Variants in DPP6 observed in about 807,000 individuals in gnomAD.
The protein encoded by DPP6 is dipeptidyl peptidase like 6.
Under a neutral mutation model 122.6 loss-of-function variants are expected in DPP6, and 69 were observed. That is an observed-to-expected ratio of 0.56 (90% CI 0.46 to 0.69). The LOEUF (loss-of-function observed/expected upper bound fraction) is 0.69, where lower values mean the gene tolerates loss of function less well. DPP6 is among the 30% of genes least tolerant of loss of function. DPP6 has a pLI of 0.00. For missense variants in DPP6, 928 were observed against 1,116.9 expected, an observed-to-expected ratio of 0.83 and a Z score of 2.41; for synonymous variants, 418 against 433.1, an observed-to-expected ratio of 0.97 and a Z score of 0.43.
chr7:154,415,060 G>T (rs1816910237), intron 1 of DPP6, among the ~76,000 whole-genome samples: 1 of 152,114 alleles, frequency 6.6e-6, no homozygotes, highest in South Asian at 2.1e-4. Flanking sequence ...GCTCACCCTG[G>T]CCCATCTCTG....
At chr7:153,927,496 A>G (rs970156328) in intron 1 of DPP6, among the ~76,000 whole-genome samples, 3 of 152,224 alleles carry the variant, frequency 2.0e-5, no homozygotes, top group African/African-American at 4.8e-5. Flanking sequence ...TGTGTGTGTC[A>G]TAAATGAAAC....
intron 7 of DPP6, among the ~76,000 whole-genome samples, chr7:154,691,067 G>A (rs1387195): frequency 0.8 from 121,332 of 152,174 alleles, 49,211 homozygotes; most frequent in Non-Finnish European, 0.88. Flanking sequence ...GACGAGCAAC[G>A]TCAAAGTGTT....
chr7:154,077,359 T>C (rs950806857), intron 1 of DPP6, among the ~76,000 whole-genome samples: 1 of 152,212 alleles, frequency 6.6e-6, no homozygotes, highest in Admixed American at 6.5e-5. Context: ...CCTGAATCCC[T>C]GGACCCTTTA....
At chr7:153,798,815 G>T in the DPP6 span, among the ~76,000 whole-genome samples, 1 of 152,214 alleles carries the variant, frequency 6.6e-6, no homozygotes, top group Admixed American at 6.5e-5. Context: ...CCACTGGGGG[G>T]TGATGGAAGA....
intron 16 of DPP6, among the ~76,000 whole-genome samples, chr7:154,844,980 G>C (rs1801833732): frequency 6.6e-6 from 1 of 152,150 alleles, no homozygotes. Flanking sequence ...AGTGAAAAGG[G>C]CAGGGGATTC....
At chr7:154,193,925 C>A (rs760173576) in intron 1 of DPP6, among the ~76,000 whole-genome samples, 1 of 151,936 alleles carries the variant, frequency 6.6e-6, no homozygotes, top group Non-Finnish European at 1.5e-5. Context: ...CAGAAGCAGG[C>A]CTTTTTGAAT....
chr7:153,947,265 G>A (rs889339950), intron 1 of DPP6, among the ~76,000 whole-genome samples: 3 of 151,976 alleles, frequency 2.0e-5, no homozygotes, highest in Admixed American at 6.6e-5. Flanking sequence ...TTTTAACAGC[G>A]GAAACCTACT....
intron 18 of DPP6, among the ~76,000 whole-genome samples, chr7:154,872,239 C>T (rs1804458787): frequency 6.6e-6 from 1 of 152,232 alleles, no homozygotes; most frequent in Admixed American, 6.5e-5. Context: ...ATATCCATCC[C>T]CAGCATCCCC....
At chr7:154,044,990 A>T (rs1799950567) in intron 1 of DPP6, among the ~76,000 whole-genome samples, 1 of 152,176 alleles carries the variant, frequency 6.6e-6, no homozygotes, top group South Asian at 2.1e-4. Flanking sequence ...TAAGGTACAA[A>T]ATCAGAGTAT....
At chr7:154,314,877 G>A (rs549464790) in intron 1 of DPP6, among the ~76,000 whole-genome samples, 2 of 152,172 alleles carry the variant, frequency 1.3e-5, no homozygotes, top group Non-Finnish European at 1.5e-5. Flanking sequence ...AATATGAATG[G>A]GTTAACAAAT....
At chr7:153,944,968 G>T (rs1563034641) in intron 1 of DPP6, among the ~76,000 whole-genome samples, 1 of 152,076 alleles carries the variant, frequency 6.6e-6, no homozygotes, top group East Asian at 1.9e-4. Flanking sequence ...AGCGCTTTGC[G>T]TTCTCTGTTC....
intron 8 of DPP6, among the ~76,000 whole-genome samples, chr7:154,735,087 A>C (rs1476686084): frequency 6.6e-6 from 1 of 152,234 alleles, no homozygotes; most frequent in Non-Finnish European, 1.5e-5. Flanking sequence ...AAAACTCTGA[A>C]GCTCTATTCA....
chr7:154,022,013 G>C (rs1236449028), intron 1 of DPP6, among the ~76,000 whole-genome samples: 1 of 152,116 alleles, frequency 6.6e-6, no homozygotes, highest in Non-Finnish European at 1.5e-5. Flanking sequence ...GGCCAACTCA[G>C]ATCTAAGGGG....
chr7:153,762,706 G>A, the DPP6 span, among the ~76,000 whole-genome samples: 1 of 152,154 alleles, frequency 6.6e-6, no homozygotes, highest in Non-Finnish European at 1.5e-5. Context: ...CTTGACCCCG[G>A]GAGGTGGAGG....
intron 1 of DPP6, among the ~76,000 whole-genome samples, chr7:154,357,770 C>T (rs1368812933): frequency 1.3e-5 from 2 of 151,792 alleles, no homozygotes; most frequent in African/African-American, 4.8e-5. Flanking sequence ...GGTGAAACCC[C>T]ATATCTACTA....
chr7:154,125,896 T>C (rs1457609123), intron 1 of DPP6, among the ~76,000 whole-genome samples: 2 of 152,210 alleles, frequency 1.3e-5, no homozygotes, highest in Non-Finnish European at 2.9e-5. Flanking sequence ...TTGCCAGCTT[T>C]GTGGTACCTG....
chr7:154,630,861 T>A (rs755517858), intron 5 of DPP6, among the ~76,000 whole-genome samples: 1 of 152,068 alleles, frequency 6.6e-6, no homozygotes, highest in South Asian at 2.1e-4. Context: ...AGATGACAGA[T>A]TGATGGGTAC....
At chr7:154,708,351 G>A (rs966055869) in intron 7 of DPP6, among the ~76,000 whole-genome samples, 3 of 152,132 alleles carry the variant, frequency 2.0e-5, no homozygotes, top group Non-Finnish European at 2.9e-5. Flanking sequence ...AGGATTTGCC[G>A]ACTTTTTCTT....
intron 1 of DPP6, among the ~76,000 whole-genome samples, chr7:154,151,447 A>G (rs1796415446): frequency 6.6e-6 from 1 of 152,090 alleles, no homozygotes; most frequent in Non-Finnish European, 1.5e-5. Context: ...CTTAGAAAAC[A>G]TTTTGGTCTC....
Sources: allele counts gnomAD v4.1 joint callset (sites outside exome capture counted in the v4.1 genomes callset), GRCh38; gene constraint gnomAD v4.1.1; transcripts MANE v1.5; gene names NCBI Gene and HGNC (gene_info 2026-07-23, HGNC 2026-07-21).